The following EPHA3 variants were observed in gnomAD, a reference collection of about 807,000 sequenced individuals.
The protein encoded by EPHA3 is EPH receptor A3, also known as ephrin type-A receptor 3.
EPHA3 carries 42 observed loss-of-function variants against 107.1 expected under a neutral mutation model. The observed-to-expected ratio is 0.39, with a 90% confidence interval of 0.31 to 0.51. EPHA3 has a LOEUF of 0.51. Ranked by LOEUF, EPHA3 falls within the 20% of genes least tolerant of loss-of-function variation. EPHA3 has a pLI of 0.78. For missense variants in EPHA3, 1,183 were observed against 1,211.2 expected (o/e 0.98, Z 0.35); for synonymous variants, 461 against 424.8 (o/e 1.09, Z -1.05).
intron 15 of EPHA3, 129 bp from the exon 16 acceptor site, chr3:89,472,335 T>C: frequency 9.8e-7 from 1 of 1,015,730 alleles, no homozygotes; most frequent in Non-Finnish European, 1.4e-6. Context: ...TCATGGCAGA[T>C]AAATTCCACA....
At chr3:89,208,155 C>T (rs560117085) in intron 2 of EPHA3, among the ~76,000 whole-genome samples, 15 of 151,880 alleles carry the variant, frequency 9.9e-5, no homozygotes, top group East Asian at 3.9e-4. Flanking sequence ...AGGTGGATCA[C>T]GAGGCCAGGA....
At chr3:89,304,205 C>T (rs1254971856) in intron 3 of EPHA3, among the ~76,000 whole-genome samples, 1 of 152,082 alleles carries the variant, frequency 6.6e-6, no homozygotes, top group Non-Finnish European at 1.5e-5. Flanking sequence ...GACAGCATTT[C>T]AGCAACAAAC....
chr3:89,243,713 G>A lies in EPHA3; in HGVS notation c.814+33193G>A, dbSNP rs546466718. Among the ~76,000 whole-genome samples, 69 of 152,118 alleles carry A rather than the reference G, an allele frequency of 4.5e-4. 2 individuals carry two copies. Among genetic ancestry groups the A allele is most frequent in the South Asian group, 1.2e-3 (6 of 4,828 alleles). On this transcript the variant is annotated intron_variant, in intron 3 of 16. Coordinates refer to ENST00000336596, the MANE Select transcript of EPHA3 (RefSeq NM_005233.6). ...AATTTTCTCCCATTCTGTAGGTTGC[G>A]TGTTCACTCTGAGAGTAGTTTCTTT...
intron 5 of EPHA3, among the ~76,000 whole-genome samples, chr3:89,347,797 C>T (rs1285237972): frequency 6.6e-6 from 1 of 150,658 alleles, no homozygotes; most frequent in Admixed American, 6.6e-5. Context: ...CCATCAATAC[C>T]TAATTTATTG....
chr3:89,355,895 C>T (rs1234734135), intron 5 of EPHA3, among the ~76,000 whole-genome samples: 1 of 149,800 alleles, frequency 6.7e-6, no homozygotes, highest in Non-Finnish European at 1.5e-5. Context: ...AGATTAGTTA[C>T]ATATGTATAC....
chr3:89,246,224 C>G (rs75356400), intron 3 of EPHA3, among the ~76,000 whole-genome samples: 1 of 151,878 alleles, frequency 6.6e-6, no homozygotes, highest in African/African-American at 2.4e-5. Context: ...TATCACACTT[C>G]CAGTGCAGTA....
At chr3:89,240,715 T>C (rs991985285) in intron 3 of EPHA3, among the ~76,000 whole-genome samples, 4 of 151,994 alleles carry the variant, frequency 2.6e-5, no homozygotes, top group African/African-American at 9.7e-5. Context: ...GATTTTTTTG[T>C]CTATCTAACT....
At chr3:89,420,052 T>C (rs1709326764) in intron 11 of EPHA3, among the ~76,000 whole-genome samples, 2 of 151,418 alleles carry the variant, frequency 1.3e-5, no homozygotes, top group Non-Finnish European at 3.0e-5. Context: ...AGGGATCCTG[T>C]GAGGCGGATC....
intron 2 of EPHA3, among the ~76,000 whole-genome samples, chr3:89,153,482 C>T (rs1559754684): frequency 6.6e-6 from 1 of 152,044 alleles, no homozygotes; most frequent in Non-Finnish European, 1.5e-5. Flanking sequence ...CTGCAGTCTT[C>T]CTCATCCATG....
intron 3 of EPHA3, among the ~76,000 whole-genome samples, chr3:89,244,898 C>T (rs778952054): frequency 1.3e-5 from 2 of 152,116 alleles, no homozygotes; most frequent in Non-Finnish European, 2.9e-5. Flanking sequence ...TGCAATTGAG[C>T]AGATTGTTCT....
In EPHA3 at chr3:89,241,119, T is replaced by C. The variant is rs909681156; in HGVS notation, c.814+30599T>C. Among the ~76,000 whole-genome samples the C allele has an allele frequency of 7.3e-4, 111 of 152,048 alleles. 2 individuals are homozygous for C. The highest frequency in any genetic ancestry group is 1.9e-4 in the Non-Finnish European group (13 of 68,002). On this transcript the variant is annotated intron_variant, in intron 3 of 16. Transcript: ENST00000336596. ...TAATTTGAAGCAGTCAAATATCTAA[T>C]ATAAACATTAAAAAAACACCAGTCA...
At chr3:89,135,449 A>C (rs751979884) in intron 2 of EPHA3, among the ~76,000 whole-genome samples, 1 of 152,292 alleles carries the variant, frequency 6.6e-6, no homozygotes, top group African/African-American at 2.4e-5. Flanking sequence ...TTGCCCATTA[A>C]TTAAAATTAT....
intron 3 of EPHA3, among the ~76,000 whole-genome samples, chr3:89,263,296 C>T (rs1705464887): frequency 6.6e-6 from 1 of 152,058 alleles, no homozygotes; most frequent in Non-Finnish European, 1.5e-5. Context: ...CTGCTGTCTG[C>T]GGATGGCTTA....
chr3:89,153,608 C>T (rs1264951932), intron 2 of EPHA3, among the ~76,000 whole-genome samples: 1 of 152,018 alleles, frequency 6.6e-6, no homozygotes. Context: ...ACTTTCAAAA[C>T]ATATCAGAAA....
chr3:89,114,326 C>G (rs1005742625), intron 1 of EPHA3, among the ~76,000 whole-genome samples: 2 of 152,170 alleles, frequency 1.3e-5, no homozygotes, highest in Non-Finnish European at 2.9e-5. Context: ...GCAAGTGTTC[C>G]TTGCTGCCAC....
intron 1 of EPHA3, among the ~76,000 whole-genome samples, chr3:89,126,158 C>T (rs1481123154): frequency 6.6e-6 from 1 of 151,490 alleles, no homozygotes; most frequent in African/African-American, 2.4e-5. Flanking sequence ...AAATGATTCC[C>T]TTCTATTGTA....
chr3:89,297,384 G>A (rs1209674619), intron 3 of EPHA3, among the ~76,000 whole-genome samples: 2 of 152,114 alleles, frequency 1.3e-5, no homozygotes, highest in Non-Finnish European at 2.9e-5. Flanking sequence ...TCAATAATGT[G>A]TCTCAGGGGA....
chr3:89,215,821 A>T (rs1390496808), intron 3 of EPHA3, among the ~76,000 whole-genome samples: 1 of 151,814 alleles, frequency 6.6e-6, no homozygotes, highest in African/African-American at 2.4e-5. Context: ...AGAGGGAAAA[A>T]ATCTTAAAAC....
intron 1 of EPHA3, among the ~76,000 whole-genome samples, chr3:89,126,799 A>G (rs1281350786): frequency 2.6e-5 from 4 of 151,830 alleles, no homozygotes; most frequent in Non-Finnish European, 4.4e-5. Flanking sequence ...CATTCTGTCA[A>G]CATATTTAAG....
Sources: gnomAD v4.1 joint callset for allele counts (sites outside exome capture counted in the v4.1 genomes callset) on GRCh38, gnomAD v4.1.1 for gene constraint, MANE v1.5 for transcripts, NCBI Gene and HGNC (gene_info 2026-07-23, HGNC 2026-07-21) for gene names.